The following CCDC30 variants were observed in gnomAD, a reference collection of about 807,000 sequenced individuals.
CCDC30 encodes the protein coiled-coil domain-containing protein 30.
A neutral mutation model predicts 100.2 loss-of-function variants in CCDC30; 70 were observed. The observed-to-expected ratio is 0.70, with a 90% confidence interval of 0.58 to 0.85. The LOEUF is 0.85. Among genes scored for constraint, CCDC30 ranks in the 40% least tolerant of loss-of-function variants. The pLI, the probability that CCDC30 is intolerant of heterozygous loss-of-function variation, is 0.00. For missense variants in CCDC30, 652 were observed against 771.2 expected, an observed-to-expected ratio of 0.85 and a Z score of 1.83; for synonymous variants, 233 against 269.5, an observed-to-expected ratio of 0.86 and a Z score of 1.33.
At position 42,481,112 on chromosome 1, in the gene CCDC30, TAAAA is replaced by T. The variant is rs145002073; in HGVS notation, c.15+556_15+559del. ...GGTGACAAAGCATGACCTCATCTCT[TAAAA>T]AAAAAAAAAGAGTCATGCTGTAAGA... On this transcript the variant is annotated intron_variant, in intron 2 of 16. Coordinates refer to ENST00000668663, the Ensembl canonical transcript of CCDC30. Among the ~76,000 whole-genome samples the T allele has an allele frequency of 1.3e-3, 181 of 144,752 alleles. 1 individual carries two copies. The highest frequency in any genetic ancestry group is 4.5e-3 in the African/African-American group (177 of 39,204). 95.0% of individuals were successfully genotyped at this position (144,752 alleles called of 152,430 possible).
In CCDC30 at chr1:42,556,152, C is replaced by G; in HGVS notation, c.457-10144C>G. On this transcript the variant is annotated intron_variant, in intron 6 of 16. Transcript: ENST00000668663. ...ATAGATTTTATTCTTATATTTGCAC[C>G]AAGTCCCAAATTAGGAGAAAGAAAG... 1 of 1,602,910 alleles carries G rather than the reference C, an allele frequency of 6.2e-7. No individual in the cohort carries two copies. The highest frequency in any genetic ancestry group is 8.5e-7 in the Non-Finnish European group (1 of 1,176,962).
intron 1 of CCDC30, among the ~76,000 whole-genome samples, chr1:42,472,740 G>A (rs945132066): frequency 6.6e-6 from 1 of 150,958 alleles, no homozygotes; most frequent in Non-Finnish European, 1.5e-5. Flanking sequence ...TACATTTTTC[G>A]GTATTACCAG....
chr1:42,656,329 T>C (rs1189763100), downstream of CCDC30, among the ~76,000 whole-genome samples: 1 of 152,184 alleles, frequency 6.6e-6, no homozygotes, highest in Admixed American at 6.5e-5. Flanking sequence ...CTTCCTTTGC[T>C]TTAAAAAAGG....
chr1:42,472,666 C>T (rs559552060), intron 1 of CCDC30, among the ~76,000 whole-genome samples: 41 of 151,060 alleles, frequency 2.7e-4, no homozygotes, highest in Non-Finnish European at 4.1e-4. Context: ...TTCCATTGTA[C>T]ATAATTTTCA....
intron 7 of CCDC30, among the ~76,000 whole-genome samples, chr1:42,575,078 G>A (rs1645805168): frequency 6.6e-6 from 1 of 152,166 alleles, no homozygotes; most frequent in Admixed American, 6.5e-5. Flanking sequence ...TATATAATCT[G>A]ATTGGTTAAT....
intron 7 of CCDC30, among the ~76,000 whole-genome samples, chr1:42,569,461 A>G (rs921212558): frequency 1.3e-5 from 2 of 152,228 alleles, no homozygotes; most frequent in Non-Finnish European, 2.9e-5. Context: ...GGCGATCATT[A>G]AAAAGTCAGG....
chr1:42,538,362 AC>A (rs796504056), intron 6 of CCDC30, among the ~76,000 whole-genome samples: 7 of 152,032 alleles, frequency 4.6e-5, no homozygotes, highest in East Asian at 1.9e-4. Flanking sequence ...AGAGAAAAAA[AC>A]ATCAGAGGAT....
intron 11 of CCDC30, among the ~76,000 whole-genome samples, chr1:42,617,906 G>C (rs181446227): frequency 2.6e-5 from 4 of 152,274 alleles, no homozygotes; most frequent in Non-Finnish European, 4.4e-5. Context: ...TTTTGGGAAA[G>C]GGCTGTTATC....
chr1:42,563,351 G>C (rs1231793287), intron 6 of CCDC30, among the ~76,000 whole-genome samples: 1 of 152,106 alleles, frequency 6.6e-6, no homozygotes, highest in Non-Finnish European at 1.5e-5. Context: ...AACTAACACA[G>C]GAACGGAAAA....
At position 42,544,574 on chromosome 1, in the gene CCDC30, G is replaced by A. The variant is rs145830126; in HGVS notation, c.457-21722G>A. Among the ~76,000 whole-genome samples the A allele has an allele frequency of 5.2e-3, 793 of 152,224 alleles. 7 individuals carry two copies. The highest frequency in any genetic ancestry group is 0.018 in the African/African-American group (765 of 41,506). ...CTGTCATATAGGCTGGAGTGCGGTGGCCTGATCTCGGCTCATTGCAATCTC... is the reference window on the plus strand; with the variant it reads ...CTGTCATATAGGCTGGAGTGCGGTGACCTGATCTCGGCTCATTGCAATCTC... On this transcript the variant is annotated intron_variant, in intron 6 of 16. Coordinates refer to ENST00000668663, the Ensembl canonical transcript of CCDC30.
At chr1:42,546,396 AAAAATATATATATATATATAT>A (rs1288815708) in intron 6 of CCDC30, among the ~76,000 whole-genome samples, 2 of 15,856 alleles carry the variant, frequency 1.3e-4, no homozygotes, top group Admixed American at 9.7e-4. Context: ...AAAAAAAAAA[AAAAATATATATATATATATAT>A]ATATATATAT....
chr1:42,621,669 G>GC lies in CCDC30; in HGVS notation c.1277+10580dup, dbSNP rs2148658176. ...TAGGACTACAGGCGCCTGCCACCAC[G>GC]CAGGCTAATTTTTTTGTATTTTTAA... On this transcript the variant is annotated intron_variant, in intron 11 of 16. Transcript: ENST00000668663. Among the ~76,000 whole-genome samples the GC allele has an allele frequency of 4.6e-5, 7 of 151,898 alleles. No individual in the cohort carries two copies. The Middle Eastern group carries it at 0.021, about 446-fold the overall frequency.
Position 42,596,184 on chromosome 1 carries a change from T to C in CCDC30, c.1164+6701T>C, listed in dbSNP as rs964332496. ...GGACCAGTGCCCAGGTATGGAAACC[T>C]GAACTGTAAATGATGAATTGCTGGA... On this transcript the variant is annotated intron_variant, in intron 10 of 16. Transcript: ENST00000668663. The surrounding 1 kb of genome is among the most constrained non-coding windows in gnomAD (Gnocchi z 4.3). Among the ~76,000 whole-genome samples, 4 of 152,204 alleles carry C rather than the reference T, an allele frequency of 2.6e-5. No homozygotes were observed. The highest frequency in any genetic ancestry group is 5.9e-5 in the Non-Finnish European group (4 of 68,026).
intron 11 of CCDC30, among the ~76,000 whole-genome samples, chr1:42,617,229 A>T (rs892621162): frequency 6.6e-6 from 1 of 152,160 alleles, no homozygotes; most frequent in East Asian, 1.9e-4. Context: ...ACTTGAACCC[A>T]GGAGTTCAAA....
intron 12 of CCDC30, among the ~76,000 whole-genome samples, chr1:42,639,250 C>T (rs1557484252): frequency 7.1e-6 from 1 of 141,538 alleles, no homozygotes; most frequent in Non-Finnish European, 1.6e-5. Context: ...CACAGACAGA[C>T]ACAGACAGGG....
At chr1:42,500,191 C>G in intron 6 of CCDC30, 3 of 1,506,516 alleles carry the variant, frequency 2.0e-6, no homozygotes, top group Non-Finnish European at 2.8e-6. Context: ...TGCATATTGG[C>G]GGTGCACGCC....
intron 13 of CCDC30, among the ~76,000 whole-genome samples, chr1:42,643,747 G>A (rs1056364274): frequency 6.6e-6 from 1 of 152,096 alleles, no homozygotes; most frequent in Non-Finnish European, 1.5e-5. Flanking sequence ...TATTAAATGA[G>A]CTAATACATG....
rs770972866 is a variant in CCDC30 at position 42,582,059 on chromosome 1, CAAAA to C, written c.1001+563_1001+566del. ...CAGCATAGTGAGTCTTTGTCTATAC[CAAAA>C]AAAAAAAAAAAAAAAAATGATCCAG... On this transcript the variant is annotated intron_variant, in intron 9 of 16. Transcript: ENST00000668663. Among the ~76,000 whole-genome samples, 543 of 99,082 alleles carry C rather than the reference CAAAA, an allele frequency of 5.5e-3. 3 individuals carry two copies. Among genetic ancestry groups the C allele is most frequent in the African/African-American group, 0.018 (520 of 28,314 alleles). The allele number at this position is 99,082 out of a possible 152,430, so 65.0% of individuals were successfully genotyped here. A position where few individuals can be genotyped will look rare whatever the true frequency, so the allele number is the denominator to read the frequency against.
At chr1:42,483,840 C>A (rs946249009) in intron 3 of CCDC30, among the ~76,000 whole-genome samples, 3 of 151,858 alleles carry the variant, frequency 2.0e-5, no homozygotes, top group African/African-American at 7.3e-5. Context: ...GTGAATTATT[C>A]TTTATGCTTT....
Sources: gnomAD v4.1 joint callset for allele counts (sites outside exome capture counted in the v4.1 genomes callset) on GRCh38, gnomAD v4.1.1 for gene constraint, Gnocchi (gnomAD v3.1) non-coding constraint, MANE v1.5 for transcripts, NCBI Gene and HGNC (gene_info 2026-07-23, HGNC 2026-07-21) for gene names.